The following C2CD2 variants were observed in gnomAD, a reference collection of about 807,000 sequenced individuals.
C2CD2 encodes C2 domain-containing protein 2.
C2CD2 carries 43 observed loss-of-function variants against 74.3 expected under a neutral mutation model. The ratio of observed to expected loss-of-function variants is 0.58; its 90% CI spans 0.45 to 0.75. The LOEUF (loss-of-function observed/expected upper bound fraction) is 0.75, where lower values mean the gene tolerates loss of function less well. C2CD2 is among the 30% of genes least tolerant of loss of function. The pLI is 0.00. For synonymous variants in C2CD2, 422 were observed against 390.7 expected (o/e 1.08, Z -0.94); for missense variants, 801 against 916.3 (o/e 0.87, Z 1.63).
rs183361499 is a variant in C2CD2, at chr21:41,891,400, T to A, written c.1871-2056A>T. Among the ~76,000 whole-genome samples the A allele has an allele frequency of 8.5e-5, 13 of 152,316 alleles. No homozygotes were observed. In the East Asian group the frequency reaches 2.1e-3, roughly 25 times the overall value. On this transcript the variant is annotated intron_variant, in intron 13 of 13. Transcript: ENST00000380486. ...TGACAGGTGGATAATGACCCCCAAC[T>A]GGACATGACTTTGGAGTTTGGCCAG...
chr21:41,936,815 CTTTTTT>C (rs34112713), intron 2 of C2CD2, among the ~76,000 whole-genome samples: 1 of 103,010 alleles, frequency 9.7e-6, no homozygotes. Flanking sequence ...TTTTCTTTTC[CTTTTTT>C]TTTTTTTTTT....
chr21:41,949,732 C>G (rs2065434477), intron 1 of C2CD2, among the ~76,000 whole-genome samples: 1 of 152,212 alleles, frequency 6.6e-6, no homozygotes, highest in Non-Finnish European at 1.5e-5. Context: ...AGACTTGGAA[C>G]CAACCCAAAT....
At chr21:41,897,296 G>T (rs553204792) in intron 13 of C2CD2, among the ~76,000 whole-genome samples, 1 of 152,216 alleles carries the variant, frequency 6.6e-6, no homozygotes, top group South Asian at 2.1e-4. Flanking sequence ...CGGACGGGGG[G>T]TTGGGTTCTG....
At chr21:41,916,705 A>T (rs112186849) in intron 5 of C2CD2, among the ~76,000 whole-genome samples, 20 of 139,102 alleles carry the variant, frequency 1.4e-4, no homozygotes, top group African/African-American at 4.1e-4. Flanking sequence ...ACACACACAC[A>T]CTCCCATTGG....
chr21:41,940,513 T>C (rs905166235), intron 2 of C2CD2, among the ~76,000 whole-genome samples: 1 of 152,216 alleles, frequency 6.6e-6, no homozygotes, highest in Non-Finnish European at 1.5e-5. Flanking sequence ...TGCTAAATGG[T>C]ACCCACATAC....
intron 2 of C2CD2, among the ~76,000 whole-genome samples, chr21:41,928,000 G>C (rs929779542): frequency 6.6e-6 from 1 of 152,188 alleles, no homozygotes; most frequent in Non-Finnish European, 1.5e-5. Context: ...ACTGCAAGGA[G>C]GTGTTGTTAA....
chr21:41,943,247 TGAGATCACACTCCAG>T (rs1196432154), intron 1 of C2CD2, among the ~76,000 whole-genome samples: 1 of 151,904 alleles, frequency 6.6e-6, no homozygotes, highest in African/African-American at 2.4e-5. Context: ...TGTATTCAGC[TGAGATCACACTCCAG>T]CCTGGGCGAC....
intron 1 of C2CD2, chr21:41,942,961 A>G (rs1360347355): frequency 1.3e-5 from 13 of 984,672 alleles, no homozygotes; most frequent in African/African-American, 1.7e-5. Flanking sequence ...GCATCCTTCC[A>G]GGAAACTCGG....
intron 13 of C2CD2, among the ~76,000 whole-genome samples, chr21:41,896,387 A>G (rs764663193): frequency 6.6e-6 from 1 of 152,122 alleles, no homozygotes; most frequent in Non-Finnish European, 1.5e-5. Context: ...TGTGCAGGAT[A>G]TTTGGCAAGG....
intron 12 of C2CD2, among the ~76,000 whole-genome samples, chr21:41,900,248 T>TG (rs2146147808): frequency 6.6e-6 from 1 of 152,256 alleles, no homozygotes; most frequent in South Asian, 2.1e-4. Flanking sequence ...CACTCCAGCC[T>TG]GGGTGACAGA....
chr21:41,915,308 T>TAGACACCACATCACATCCTCCAAC (rs2065076530), intron 5 of C2CD2, among the ~76,000 whole-genome samples: 1 of 152,000 alleles, frequency 6.6e-6, no homozygotes, highest in African/African-American at 2.4e-5. Flanking sequence ...CATCCTCCAA[T>TAGACACCACATCACATCCTCCAAC]AGACACCACA....
At chr21:41,950,134 CATA>C (rs1328730699) in intron 1 of C2CD2, among the ~76,000 whole-genome samples, 1 of 150,472 alleles carries the variant, frequency 6.6e-6, no homozygotes, top group Non-Finnish European at 1.5e-5. Context: ...CTTAAAGTAT[CATA>C]ATAAAAAAAA....
At chr21:41,900,711 C>T (rs1443924470) in intron 12 of C2CD2, among the ~76,000 whole-genome samples, 2 of 152,196 alleles carry the variant, frequency 1.3e-5, no homozygotes, top group Non-Finnish European at 2.9e-5. Flanking sequence ...CCCACCCACC[C>T]ACTCTTTTGT....
At chr21:41,907,304 C>A in intron 9 of C2CD2, 138 bp from the exon 10 acceptor site, 2 of 723,802 alleles carry the variant, frequency 2.8e-6, no homozygotes, top group Non-Finnish European at 2.4e-6. Flanking sequence ...TCCAATTAAC[C>A]TGGATATTCC....
intron 2 of C2CD2, among the ~76,000 whole-genome samples, chr21:41,925,825 G>A (rs975952092): frequency 2.6e-5 from 4 of 152,092 alleles, no homozygotes; most frequent in African/African-American, 7.2e-5. Context: ...TTCCTAAGTG[G>A]CCAGATGTCA....
At chr21:41,916,716 T>C (rs543824687) in intron 5 of C2CD2, among the ~76,000 whole-genome samples, 2 of 150,772 alleles carry the variant, frequency 1.3e-5, no homozygotes, top group African/African-American at 4.9e-5. Context: ...CTCCCATTGG[T>C]TCTGTTTCTC....
Position 41,929,556 on chromosome 21 carries a change from CT to C in C2CD2, c.379-7472del, listed in dbSNP as rs143682362. On this transcript the variant is annotated intron_variant, in intron 2 of 13. Coordinates refer to ENST00000380486, the MANE Select transcript of C2CD2 (RefSeq NM_015500.2). This position sits in a 1 kb window ranked among gnomAD's most constrained non-coding sequence, Gnocchi z 4.6. Reference sequence around the variant, plus strand: ...GGTCTCCCTGGCTTCTGAGATGGGCCTTTCCCCAGACTAGGTGGGTTATAAC... The same window carrying C: ...GGTCTCCCTGGCTTCTGAGATGGGCCTTCCCCAGACTAGGTGGGTTATAAC... 0.063 allele frequency among the ~76,000 whole-genome samples: 9,553 copies of C among 152,320 alleles called. 377 individuals carry two copies. The highest frequency in any genetic ancestry group is 0.091 in the Non-Finnish European group (6,173 of 68,010).
Position 41,953,660 on chromosome 21 carries a change from G to C in C2CD2, c.-12C>G. 1.4e-6 allele frequency: 2 copies of C among 1,405,482 alleles called. No homozygotes were observed. The highest frequency in any genetic ancestry group is 1.8e-6 in the Non-Finnish European group (2 of 1,084,892). 87.1% of individuals were successfully genotyped at this position (1,405,482 alleles called of 1,614,324 possible). On this transcript the variant is annotated 5_prime_UTR_variant, in exon 1 of 14. Transcript: ENST00000380486. ...CGGGCCATGGCCATGGCGCATCCCC[G>C]GCCCGCCTCGCCCCAACTTCCCCGG...
rs564603735 is a variant in C2CD2, at chr21:41,924,869, G to A, written c.379-2784C>T. On this transcript the variant is annotated intron_variant, in intron 2 of 13. Coordinates refer to ENST00000380486, the MANE Select transcript of C2CD2 (RefSeq NM_015500.2). The surrounding 1 kb of genome is among the most constrained non-coding windows in gnomAD (Gnocchi z 4.4). ...TCTTTCGTATCCAGTTCTGCAGAAA[G>A]CTTCCCACCACGCACTCCCTGATAC... 8.5e-5 allele frequency among the ~76,000 whole-genome samples: 13 copies of A among 152,226 alleles called. No homozygotes were observed. The highest frequency in any genetic ancestry group is 2.6e-4 in the African/African-American group (11 of 41,520).
Sources: allele counts gnomAD v4.1 joint callset (sites outside exome capture counted in the v4.1 genomes callset), GRCh38; gene constraint gnomAD v4.1.1; non-coding constraint Gnocchi (gnomAD v3.1); transcripts MANE v1.5; gene names NCBI Gene and HGNC (gene_info 2026-07-23, HGNC 2026-07-21).